Variants in FRMPD4 observed in about 807,000 individuals in gnomAD.
The protein encoded by FRMPD4 is FERM and PDZ domain-containing protein 4.
A neutral mutation model predicts 94.1 loss-of-function variants in FRMPD4; 22 were observed. The observed-to-expected ratio is 0.23, with a 90% CI of 0.17 to 0.33. FRMPD4 has a LOEUF of 0.33. Ranked by LOEUF, FRMPD4 falls within the 10% of genes least tolerant of loss-of-function variation. FRMPD4 has a pLI of 1.00. For synonymous variants in FRMPD4, 631 were observed against 548.6 expected, an observed-to-expected ratio of 1.15 and a Z score of -2.10; for missense variants, 1,111 against 1,339.9, an observed-to-expected ratio of 0.83 and a Z score of 2.67.
At chrX:12,586,521 T>G (rs1487075576) in intron 2 of FRMPD4, among the ~76,000 whole-genome samples, 1 of 112,720 alleles carries the variant, frequency 8.9e-6, no homozygotes, top group Non-Finnish European at 1.9e-5. Flanking sequence ...TGATCATTCT[T>G]AATTTAGCTA....
intron 4 of FRMPD4, among the ~76,000 whole-genome samples, chrX:12,668,866 A>T (rs1165139655): frequency 9.0e-6 from 1 of 111,245 alleles, no homozygotes; most frequent in African/African-American, 3.3e-5. Context: ...CGGCCTCCCA[A>T]AGTGCTGGGA....
At chrX:12,294,485 C>CACACACACACAGAGAG (rs34874624) in intron 1 of FRMPD4, among the ~76,000 whole-genome samples, 3 of 92,098 alleles carry the variant, frequency 3.3e-5, no homozygotes, top group African/African-American at 8.0e-5. Flanking sequence ...CACACACACA[C>CACACACACACAGAGAG]AGAGAGAGAG....
At chrX:12,568,906 T>C (rs1048445123) in intron 2 of FRMPD4, among the ~76,000 whole-genome samples, 6 of 111,837 alleles carry the variant, frequency 5.4e-5, no homozygotes, top group East Asian at 2.8e-4. Flanking sequence ...TTCCAAAACA[T>C]GTGGAAATTT....
At chrX:12,651,853 A>T (rs2059598374) in intron 4 of FRMPD4, among the ~76,000 whole-genome samples, 4 of 112,391 alleles carry the variant, frequency 3.6e-5, no homozygotes, top group Admixed American at 9.4e-5. Flanking sequence ...TGATTTTTTT[A>T]AAAATTGACT....
In FRMPD4 at chrX:12,138,651, A is replaced by ACGGGG; in HGVS notation, c.-313_-309dup. ...CCGGCAGTCCCCGGGGCTAGAGCGCACGGGGCGGGGCGCGAGACCCGGGCC... is the reference window on the plus strand; with the variant it reads ...CCGGCAGTCCCCGGGGCTAGAGCGCACGGGGCGGGGCGGGGCGCGAGACCCGGGCC... On this transcript the variant is annotated 5_prime_UTR_variant, in exon 1 of 17. Transcript: ENST00000675598. The ACGGGG allele has an allele frequency of 3.4e-6, 1 of 294,122 alleles. No homozygotes were observed. 24.2% of individuals were successfully genotyped at this position (294,122 alleles called of 1,213,427 possible). A position where few individuals can be genotyped will look rare whatever the true frequency, so the allele number is the denominator to read the frequency against.
At chrX:12,720,184 T>A (rs762085562) in intron 16 of FRMPD4, among the ~76,000 whole-genome samples, 1 of 112,181 alleles carries the variant, frequency 8.9e-6, no homozygotes, top group Non-Finnish European at 1.9e-5. Flanking sequence ...CTCCAATATA[T>A]TTGAATAATC....
At chrX:12,481,038 T>C (rs974365658) in intron 1 of FRMPD4, among the ~76,000 whole-genome samples, 5 of 111,525 alleles carry the variant, frequency 4.5e-5, no homozygotes, top group African/African-American at 1.6e-4. Flanking sequence ...CAGGTAGTAA[T>C]ACCCAATACC....
rs770905552 is a variant in FRMPD4, at chrX:12,312,693, G to A, written c.41+173681G>A. On this transcript the variant is annotated intron_variant, in intron 1 of 16. Coordinates refer to ENST00000675598, the MANE Select transcript of FRMPD4 (RefSeq NM_001368397.1). Reference sequence around the variant, plus strand: ...CTGGAAACTGAATGCCCTTGTTTATGCATTCCTTTTTTCTTTCTGGAAGAC... The same window carrying A: ...CTGGAAACTGAATGCCCTTGTTTATACATTCCTTTTTTCTTTCTGGAAGAC... 8.9e-5 allele frequency among the ~76,000 whole-genome samples: 10 copies of A among 111,838 alleles called. No homozygotes were observed. In the South Asian group the frequency reaches 3.7e-3, roughly 42 times the overall value.
intron 1 of FRMPD4, among the ~76,000 whole-genome samples, chrX:12,449,741 A>G (rs759615940): frequency 5.4e-5 from 6 of 111,510 alleles, no homozygotes; most frequent in African/African-American, 2.0e-4. Context: ...TAATTACAGC[A>G]CTTCGGGAGA....
At position 12,704,476 on chromosome X, in the gene FRMPD4, G is replaced by A. The variant is rs2041841404; in HGVS notation, c.1188G>A (p.Pro396=). ...LVKANQNLVP[P]GKKLSALQAK... ...AAGCAAATCAAAACTTGGTACCACC[G>A]GGTAAAAAGGTATCACATTTCCATC... is the stretch of plus-strand genomic sequence containing the variant. The change falls in exon 11 of 17, where the codon CCG becomes CCA. Residue 396 remains proline, a synonymous_variant. Coordinates refer to ENST00000675598, the MANE Select transcript of FRMPD4 (RefSeq NM_001368397.1). The A allele has an allele frequency of 3.4e-6, 4 of 1,163,920 alleles. No homozygotes were observed. The highest frequency in any genetic ancestry group is 5.0e-5 in the Admixed American group (2 of 39,850).
At chrX:12,356,376 G>A (rs1031937254) in intron 1 of FRMPD4, among the ~76,000 whole-genome samples, 2 of 112,292 alleles carry the variant, frequency 1.8e-5, no homozygotes, top group African/African-American at 3.2e-5. Context: ...TGGCATCAGA[G>A]TCATTTTATA....
intron 3 of FRMPD4, among the ~76,000 whole-genome samples, chrX:11,979,827 T>C (rs913640411): frequency 2.7e-5 from 3 of 111,773 alleles, no homozygotes; most frequent in Non-Finnish European, 5.6e-5. Context: ...ATATTTACTC[T>C]CTTTTGGGTG....
At position 12,634,824 on chromosome X, in the gene FRMPD4, C is replaced by CT. The variant is rs780126204; in HGVS notation, c.422+19970dup. On this transcript the variant is annotated intron_variant, in intron 4 of 16. Transcript: ENST00000675598. The stretch of plus-strand genomic sequence containing the variant: ...TCTTTTCTCTATGAAGTCCATCTCT[C>CT]TTTTTTTTTTTTTTTTTTTTTTTTT... 9.9e-3 allele frequency among the ~76,000 whole-genome samples: 519 copies of CT among 52,207 alleles called. 67 individuals carry two copies. Among genetic ancestry groups the CT allele is most frequent in the African/African-American group, 0.025 (289 of 11,548 alleles). The allele number at this position is 52,207 out of a possible 115,157, so 45.3% of individuals were successfully genotyped here.
intron 1 of FRMPD4, among the ~76,000 whole-genome samples, chrX:12,441,182 C>T (rs1278893218): frequency 8.9e-6 from 1 of 111,996 alleles, no homozygotes; most frequent in African/African-American, 3.2e-5. Context: ...CAGGACATCT[C>T]TTAGGGAAAC....
chrX:12,630,242 T>A (rs541721389), intron 4 of FRMPD4, among the ~76,000 whole-genome samples: 1 of 112,821 alleles, frequency 8.9e-6, no homozygotes, highest in Admixed American at 9.3e-5. Context: ...AAGGCCCAGA[T>A]AGTAAATATT....
intron 1 of FRMPD4, among the ~76,000 whole-genome samples, chrX:12,297,320 A>T (rs977266722): frequency 8.9e-6 from 1 of 112,688 alleles, no homozygotes; most frequent in African/African-American, 3.2e-5. Flanking sequence ...TTTATAAAGA[A>T]GAGATATATT....
chrX:12,082,594 C>T (rs2055071151), intron 3 of FRMPD4, among the ~76,000 whole-genome samples: 1 of 111,454 alleles, frequency 9.0e-6, no homozygotes, highest in African/African-American at 3.3e-5. Flanking sequence ...AACTGGGTAA[C>T]AGGCAGAGGT....
intron 1 of FRMPD4, among the ~76,000 whole-genome samples, chrX:12,487,644 T>C (rs1329042056): frequency 8.9e-6 from 1 of 112,418 alleles, no homozygotes; most frequent in Non-Finnish European, 1.9e-5. Context: ...TTTGATGACC[T>C]TGGAGATGTA....
chrX:12,514,537 C>A (rs1405412058), intron 2 of FRMPD4, among the ~76,000 whole-genome samples: 2 of 112,027 alleles, frequency 1.8e-5, no homozygotes, highest in African/African-American at 6.5e-5. Context: ...TATGTTGAAC[C>A]AGCCTTGCAT....
Sources: allele counts gnomAD v4.1 joint callset (sites outside exome capture counted in the v4.1 genomes callset), GRCh38; gene constraint gnomAD v4.1.1; transcripts MANE v1.5; gene names NCBI Gene and HGNC (gene_info 2026-07-23, HGNC 2026-07-21).